ADAMTSL1: variants seen among roughly 807,000 people sequenced by gnomAD.
ADAMTSL1 encodes ADAMTS-like protein 1.
A neutral mutation model predicts 201.8 loss-of-function variants in ADAMTSL1; 126 were observed. The observed-to-expected ratio is 0.62, with a 90% CI of 0.54 to 0.72. The LOEUF (loss-of-function observed/expected upper bound fraction) is 0.72. Among genes scored for constraint, ADAMTSL1 ranks in the 30% least tolerant of loss-of-function variants. The pLI is 0.00. For missense variants in ADAMTSL1, 2,679 were observed against 2,277.8 expected, an observed-to-expected ratio of 1.18 and a Z score of -3.59; for synonymous variants, 1,121 against 903.4, an observed-to-expected ratio of 1.24 and a Z score of -4.32.
At chr9:18,785,122 C>A (rs1290671379) in intron 19 of ADAMTSL1, among the ~76,000 whole-genome samples, 1 of 151,982 alleles carries the variant, frequency 6.6e-6, no homozygotes, top group East Asian at 1.9e-4. Flanking sequence ...TGGTATCGTG[C>A]CACTGCATTC....
chr9:18,840,874 G>C (rs1369894635), intron 23 of ADAMTSL1, among the ~76,000 whole-genome samples: 1 of 148,528 alleles, frequency 6.7e-6, no homozygotes. Context: ...TGTGATTTTT[G>C]TACATTGATT....
intron 1 of ADAMTSL1, among the ~76,000 whole-genome samples, chr9:18,146,572 T>C (rs1054311939): frequency 1.5e-4 from 23 of 152,184 alleles, no homozygotes; most frequent in Admixed American, 4.6e-4. Flanking sequence ...CAGGGTTGAA[T>C]AGGTAAAACA....
chr9:18,186,520 TAG>T (rs1184762726), intron 2 of ADAMTSL1, among the ~76,000 whole-genome samples: 1 of 152,102 alleles, frequency 6.6e-6, no homozygotes, highest in Admixed American at 6.6e-5. Flanking sequence ...TTGCCGACTG[TAG>T]AATGGGTATG....
chr9:18,873,996 A>T (rs1282691955), intron 23 of ADAMTSL1, among the ~76,000 whole-genome samples: 10 of 152,052 alleles, frequency 6.6e-5, no homozygotes, highest in Admixed American at 6.6e-4. Context: ...TTCCTTGTAG[A>T]GGTCTTTCAC....
intron 16 of ADAMTSL1, among the ~76,000 whole-genome samples, chr9:18,769,995 G>A (rs1820596728): frequency 1.3e-5 from 2 of 152,124 alleles, no homozygotes; most frequent in Non-Finnish European, 2.9e-5. Context: ...GAAAACCACT[G>A]ACATGAGGCC....
At chr9:17,964,646 A>G (rs1248965264) in intron 1 of ADAMTSL1, among the ~76,000 whole-genome samples, 1 of 152,174 alleles carries the variant, frequency 6.6e-6, no homozygotes, top group East Asian at 1.9e-4. Flanking sequence ...GATGATATCA[A>G]TGTTAATATC....
At chr9:18,276,889 A>T (rs1351432454) in intron 2 of ADAMTSL1, among the ~76,000 whole-genome samples, 1 of 152,200 alleles carries the variant, frequency 6.6e-6, no homozygotes, top group Non-Finnish European at 1.5e-5. Context: ...TGGAGGTCAC[A>T]TTTCAACATG....
At chr9:18,663,533 T>G (rs1259070852) in intron 9 of ADAMTSL1, among the ~76,000 whole-genome samples, 1 of 152,106 alleles carries the variant, frequency 6.6e-6, no homozygotes, top group Non-Finnish European at 1.5e-5. Flanking sequence ...TACTTATATA[T>G]TTTTATGCAT....
intron 13 of ADAMTSL1, among the ~76,000 whole-genome samples, chr9:18,685,708 C>G (rs1830787084): frequency 6.6e-6 from 1 of 152,076 alleles, no homozygotes; most frequent in Non-Finnish European, 1.5e-5. Context: ...ACGTTGCAAC[C>G]TATTTAAATG....
At chr9:18,615,171 G>A (rs1825617549) in intron 4 of ADAMTSL1, among the ~76,000 whole-genome samples, 1 of 152,104 alleles carries the variant, frequency 6.6e-6, no homozygotes, top group Non-Finnish European at 1.5e-5. Flanking sequence ...GCGAATTACT[G>A]GAGATTCTAT....
At chr9:18,677,152 T>C (rs1252488876) in intron 10 of ADAMTSL1, among the ~76,000 whole-genome samples, 1 of 151,912 alleles carries the variant, frequency 6.6e-6, no homozygotes, top group African/African-American at 2.4e-5. Flanking sequence ...CACCTAATGA[T>C]CACATATAGG....
intron 4 of ADAMTSL1, among the ~76,000 whole-genome samples, chr9:18,605,248 A>T (rs147223850): frequency 1.5e-4 from 23 of 152,300 alleles, no homozygotes; most frequent in African/African-American, 5.5e-4. Flanking sequence ...CAACCTGTTT[A>T]TCTATGCAGT....
intron 2 of ADAMTSL1, among the ~76,000 whole-genome samples, chr9:18,176,263 T>C (rs1273858724): frequency 6.6e-6 from 1 of 152,096 alleles, no homozygotes; most frequent in Non-Finnish European, 1.5e-5. Context: ...CACTACTTTG[T>C]TTTTCCAGCC....
intron 4 of ADAMTSL1, among the ~76,000 whole-genome samples, chr9:18,579,912 A>G (rs949846945): frequency 2.6e-5 from 4 of 152,214 alleles, no homozygotes; most frequent in African/African-American, 9.6e-5. Flanking sequence ...TATTTTTTAA[A>G]AGAGTAGCAT....
At chr9:18,885,349 C>T (rs1329250409) in intron 23 of ADAMTSL1, among the ~76,000 whole-genome samples, 1 of 152,182 alleles carries the variant, frequency 6.6e-6, no homozygotes, top group Non-Finnish European at 1.5e-5. Context: ...GTTACAATAG[C>T]AATTAAATTT....
intron 1 of ADAMTSL1, among the ~76,000 whole-genome samples, chr9:18,079,661 G>T (rs1009078004): frequency 2.6e-5 from 4 of 151,146 alleles, no homozygotes; most frequent in Admixed American, 6.6e-5. Context: ...CAGTCTGGGA[G>T]ACAGAGCGAG....
chr9:18,114,293 A>G (rs1825155968), intron 1 of ADAMTSL1, among the ~76,000 whole-genome samples: 1 of 152,200 alleles, frequency 6.6e-6, no homozygotes, highest in African/African-American at 2.4e-5. Context: ...AGAAACAGCT[A>G]CGGATAAAGC....
chr9:18,543,669 C>T (rs1253307886), intron 3 of ADAMTSL1, among the ~76,000 whole-genome samples: 1 of 151,716 alleles, frequency 6.6e-6, no homozygotes, highest in Non-Finnish European at 1.5e-5. Context: ...TATTTTATGA[C>T]TAACTGTTTT....
chr9:18,107,768 C>G (rs1190317397), intron 1 of ADAMTSL1, among the ~76,000 whole-genome samples: 1 of 152,094 alleles, frequency 6.6e-6, no homozygotes, highest in African/African-American at 2.4e-5. Context: ...AATTTGATGT[C>G]AAACTGCATG....
Sources: gnomAD v4.1 joint callset for allele counts (sites outside exome capture counted in the v4.1 genomes callset) on GRCh38, gnomAD v4.1.1 for gene constraint, MANE v1.5 for transcripts, NCBI Gene and HGNC (gene_info 2026-07-23, HGNC 2026-07-21) for gene names.